The following KCNMB2 variants were observed in gnomAD, a reference collection of about 807,000 sequenced individuals.
KCNMB2 encodes potassium calcium-activated channel subfamily M regulatory beta subunit 2.
A neutral mutation model predicts 24.5 loss-of-function variants in KCNMB2; 9 were observed. The ratio of observed to expected loss-of-function variants is 0.37; its 90% CI spans 0.22 to 0.64. The LOEUF is 0.64. KCNMB2 is among the 30% of genes least tolerant of loss of function. The pLI is 0.63. For synonymous variants in KCNMB2, 109 were observed against 104.4 expected (o/e 1.04, Z -0.27); for missense variants, 226 against 284.3 (o/e 0.79, Z 1.47).
At position 178,825,688 on chromosome 3, in the gene KCNMB2, G is replaced by A. The variant is rs771238071; in HGVS notation, c.157G>A (p.Ala53Thr). 3.7e-5 allele frequency: 60 copies of A among 1,613,844 alleles called. No homozygotes were observed. The highest frequency in any genetic ancestry group is 4.9e-5 in the Non-Finnish European group (58 of 1,179,866). The change falls in exon 3 of 5, where the codon GCT becomes ACT. Residue 53 changes from alanine to threonine, a missense_variant. Ala to Thr is a moderately conservative substitution (Grantham distance 58). Transcript: ENST00000452583. ...GEDRAILLGL[A>T]MMVCSIMMYF... ...GGACCGAGCTATTCTCCTGGGACTG[G>A]CTATGATGGTGTGCTCCATCATGAT...
chr3:178,661,829 G>A (rs1415367699), intron 1 of KCNMB2, among the ~76,000 whole-genome samples: 1 of 152,092 alleles, frequency 6.6e-6, no homozygotes, highest in Admixed American at 6.6e-5. Flanking sequence ...TGCTCTACAT[G>A]TCTTTAATTC....
intron 1 of KCNMB2, among the ~76,000 whole-genome samples, chr3:178,561,588 A>T (rs1371906927): frequency 6.6e-6 from 1 of 152,158 alleles, no homozygotes; most frequent in African/African-American, 2.4e-5. Flanking sequence ...CTAAAATCCC[A>T]TCATTCTGTA....
At chr3:178,753,992 A>G (rs1723934711) in intron 1 of KCNMB2, among the ~76,000 whole-genome samples, 1 of 151,538 alleles carries the variant, frequency 6.6e-6, no homozygotes, top group Non-Finnish European at 1.5e-5. Flanking sequence ...CTCTGCTTCT[A>G]TAAATTCAAT....
intron 1 of KCNMB2, among the ~76,000 whole-genome samples, chr3:178,633,678 C>A (rs147814349): frequency 1.5e-3 from 235 of 152,346 alleles, no homozygotes; most frequent in Non-Finnish European, 2.9e-3. Flanking sequence ...CCATGAAGGT[C>A]TCTGACATGC....
intron 1 of KCNMB2, among the ~76,000 whole-genome samples, chr3:178,560,934 C>T (rs1159334063): frequency 1.3e-5 from 2 of 152,176 alleles, no homozygotes; most frequent in Non-Finnish European, 2.9e-5. Flanking sequence ...TCTCCTTAGG[C>T]GCAGCACTGT....
intron 1 of KCNMB2, among the ~76,000 whole-genome samples, chr3:178,621,666 T>A (rs1718926496): frequency 6.6e-6 from 1 of 152,204 alleles, no homozygotes; most frequent in Non-Finnish European, 1.5e-5. Flanking sequence ...TAATATTTAC[T>A]ATGCATTTGT....
chr3:178,712,032 A>G (rs1722470472), intron 1 of KCNMB2, among the ~76,000 whole-genome samples: 1 of 152,156 alleles, frequency 6.6e-6, no homozygotes, highest in African/African-American at 2.4e-5. Context: ...TGTCACTGTG[A>G]GTAGGGAGTA....
intron 1 of KCNMB2, among the ~76,000 whole-genome samples, chr3:178,692,765 G>T (rs1178839604): frequency 1.3e-5 from 2 of 152,106 alleles, no homozygotes; most frequent in East Asian, 3.8e-4. Flanking sequence ...GTTTAAAATA[G>T]ATTTTTCTAG....
intron 2 of KCNMB2, 65 bp from the exon 3 acceptor site, chr3:178,825,523 C>A: frequency 7.0e-7 from 1 of 1,424,096 alleles, no homozygotes; most frequent in East Asian, 2.3e-5. Context: ...CAGAAACTGA[C>A]CTGCTCTCTA....
At chr3:178,547,398 C>T (rs149795849) in intron 1 of KCNMB2, among the ~76,000 whole-genome samples, 209 of 152,224 alleles carry the variant, frequency 1.4e-3, no homozygotes, top group African/African-American at 4.2e-3. Context: ...GAGAAAGAGA[C>T]GATGTCAAAG....
rs190359971 is a variant in KCNMB2 at position 178,707,070 on chromosome 3, G to A, written c.-67-100273G>A. Reference sequence around the variant, plus strand: ...AAAGAATACTTAGTCTCTTTCATTTGCAAGTGCAAGTGGAGACAGAAGGAG... The same window carrying A: ...AAAGAATACTTAGTCTCTTTCATTTACAAGTGCAAGTGGAGACAGAAGGAG... On this transcript the variant is annotated intron_variant, in intron 1 of 4. Transcript: ENST00000452583. 1.8e-4 allele frequency among the ~76,000 whole-genome samples: 27 copies of A among 152,178 alleles called. No individual in the cohort carries two copies. The East Asian group carries it at 5.0e-3, about 28-fold the overall frequency.
chr3:178,574,059 T>G (rs6443547), intron 1 of KCNMB2, among the ~76,000 whole-genome samples: 122,055 of 152,124 alleles, frequency 0.8, 49,631 homozygotes, highest in African/African-American at 0.95. Context: ...AATGTTAGAT[T>G]ATTTTTTCCA....
At chr3:178,740,077 G>T (rs764070912) in intron 1 of KCNMB2, among the ~76,000 whole-genome samples, 10 of 151,768 alleles carry the variant, frequency 6.6e-5, no homozygotes, top group Non-Finnish European at 1.2e-4. Context: ...GTCAGCAAGT[G>T]ATTTTTTTTT....
At chr3:178,689,552 C>T (rs1343862250) in intron 1 of KCNMB2, among the ~76,000 whole-genome samples, 2 of 152,110 alleles carry the variant, frequency 1.3e-5, no homozygotes, top group East Asian at 3.8e-4. Context: ...AAGAGAATGG[C>T]GTGAACCCAG....
intron 1 of KCNMB2, among the ~76,000 whole-genome samples, chr3:178,666,656 T>C (rs1195833021): frequency 1.3e-5 from 2 of 152,192 alleles, no homozygotes; most frequent in African/African-American, 4.8e-5. Context: ...GAGTCTGTCA[T>C]TTAATTCCAA....
chr3:178,840,710 G>A (rs927562010), intron 4 of KCNMB2, among the ~76,000 whole-genome samples: 6 of 152,244 alleles, frequency 3.9e-5, no homozygotes, highest in Non-Finnish European at 8.8e-5. Context: ...AGCCACAGCT[G>A]GAGCAGCTGG....
intron 1 of KCNMB2, among the ~76,000 whole-genome samples, chr3:178,564,949 A>G (rs1221951324): frequency 1.3e-5 from 2 of 152,210 alleles, no homozygotes; most frequent in African/African-American, 4.8e-5. Flanking sequence ...TGATACATCT[A>G]TATTCTAGAA....
chr3:178,778,263 A>C (rs1371703228), intron 1 of KCNMB2, among the ~76,000 whole-genome samples: 1 of 152,152 alleles, frequency 6.6e-6, no homozygotes, highest in Non-Finnish European at 1.5e-5. Context: ...GCTTTAAGAT[A>C]AATCCATTAA....
chr3:178,782,081 A>T (rs1161156478), intron 1 of KCNMB2, among the ~76,000 whole-genome samples: 1 of 116,146 alleles, frequency 8.6e-6, no homozygotes, highest in Admixed American at 9.5e-5. Context: ...GAGAATGATG[A>T]TTTCCAATTT....
Sources: gnomAD v4.1 joint callset for allele counts (sites outside exome capture counted in the v4.1 genomes callset) on GRCh38, gnomAD v4.1.1 for gene constraint, MANE v1.5 for transcripts, NCBI Gene and HGNC (gene_info 2026-07-23, HGNC 2026-07-21) for gene names.